Variants in LIPH observed in about 807,000 individuals in gnomAD.
LIPH encodes lipase H.
LIPH carries 32 observed loss-of-function variants against 47.6 expected under a neutral mutation model. The observed-to-expected ratio is 0.67, with a 90% CI of 0.51 to 0.90. LIPH has a LOEUF of 0.90. Among genes scored for constraint, LIPH ranks in the 40% least tolerant of loss-of-function variants. The pLI, the probability that LIPH is intolerant of heterozygous loss-of-function variation, is 0.00. For synonymous variants in LIPH, 190 were observed against 195.6 expected, an observed-to-expected ratio of 0.97 and a Z score of 0.24; for missense variants, 497 against 541.4, an observed-to-expected ratio of 0.92 and a Z score of 0.81.
At chr3:185,527,360 C>G (rs937047085) in intron 4 of LIPH, 124 bp downstream of exon 4, 14 of 791,736 alleles carry the variant, frequency 1.8e-5, no homozygotes, top group Non-Finnish European at 2.7e-5. Context: ...GATTTGGAAC[C>G]CTGCCTGGAA....
At chr3:185,517,812 T>C (rs984958908) in intron 6 of LIPH, among the ~76,000 whole-genome samples, 5 of 152,274 alleles carry the variant, frequency 3.3e-5, no homozygotes, top group Admixed American at 3.3e-4. Context: ...GTCTATACCA[T>C]GCCCTGTTGT....
intron 7 of LIPH, among the ~76,000 whole-genome samples, chr3:185,516,109 G>A (rs1193457988): frequency 6.6e-6 from 1 of 152,052 alleles, no homozygotes; most frequent in African/African-American, 2.4e-5. Context: ...ACTCCAGCCT[G>A]GGTGACAGAA....
At chr3:185,525,215 AAAT>A (rs762317798) in intron 4 of LIPH, among the ~76,000 whole-genome samples, 25 of 152,078 alleles carry the variant, frequency 1.6e-4, no homozygotes, top group Admixed American at 5.9e-4. Flanking sequence ...CTGTCTTAAA[AAAT>A]AATAATAATA....
intron 7 of LIPH, among the ~76,000 whole-genome samples, chr3:185,515,778 G>A (rs545943971): frequency 6.6e-5 from 10 of 152,250 alleles, no homozygotes; most frequent in Non-Finnish European, 1.3e-4. Flanking sequence ...TGATCCGCCC[G>A]CCTTGGCCTC....
chr3:185,520,294 G>A (rs1245653789), intron 5 of LIPH, among the ~76,000 whole-genome samples: 1 of 152,142 alleles, frequency 6.6e-6, no homozygotes, highest in Admixed American at 6.6e-5. Context: ...GCTGAGATGG[G>A]TGGATCATGA....
Position 185,552,423 on chromosome 3 carries a change from C to T in LIPH, c.49G>A (p.Asp17Asn). The T allele has an allele frequency of 6.2e-7, 1 of 1,601,040 alleles. No individual in the cohort carries two copies. Among genetic ancestry groups the T allele is most frequent in the African/African-American group, 1.3e-5 (1 of 74,732 alleles). The change falls in exon 1 of 10, where the codon GAC becomes AAC. Residue 17 changes from aspartate to asparagine, a missense_variant and splice_region_variant. By Grantham distance (23) the Asp-to-Asn change is conservative. Transcript: ENST00000296252. ...FISLLCLSRS[D>N]AEETCPSFTR... The stretch of plus-strand genomic sequence containing the variant: ...GAAAACCAGTTTGTAAATAACCTAC[C>T]TGATCTTGACAAGCACAACAAACTG...
chr3:185,516,223 AG>A (rs1468995054), intron 7 of LIPH, among the ~76,000 whole-genome samples: 6 of 152,200 alleles, frequency 3.9e-5, no homozygotes, highest in Non-Finnish European at 7.3e-5. Context: ...ACCTGAGGTC[AG>A]GAGTTTGAGA....
chr3:185,519,836 CAAAAAAAAAAAAA>C (rs145391972), intron 5 of LIPH, among the ~76,000 whole-genome samples: 1 of 53,788 alleles, frequency 1.9e-5, no homozygotes, highest in African/African-American at 8.2e-5. Flanking sequence ...CACTCCATCT[CAAAAAAAAAAAAA>C]AAAAAAAAAA....
In LIPH at chr3:185,534,424, A is replaced by G. The variant is rs371705507; in HGVS notation, c.417+341T>C. On this transcript the variant is annotated intron_variant, in intron 2 of 9. Coordinates refer to ENST00000296252, the MANE Select transcript of LIPH (RefSeq NM_139248.3). ...AGAAATCCTAGACAGAACCTCTCCT[A>G]CCTGTAAGACACCTTTATTGTGAGC... Among the ~76,000 whole-genome samples the G allele has an allele frequency of 1.8e-4, 27 of 152,188 alleles. 1 individual carries two copies. The South Asian group carries it at 5.0e-3, about 28-fold the overall frequency.
intron 3 of LIPH, among the ~76,000 whole-genome samples, chr3:185,528,323 G>GAAGAAAGAAAAAAAGA (rs1553822825): frequency 8.0e-6 from 1 of 125,514 alleles, no homozygotes; most frequent in African/African-American, 3.1e-5. Flanking sequence ...AAGAAAGAAA[G>GAAGAAAGAAAAAAAGA]AAGAAAGAAA....
At chr3:185,526,126 C>A (rs1329531935) in intron 4 of LIPH, among the ~76,000 whole-genome samples, 2 of 152,124 alleles carry the variant, frequency 1.3e-5, no homozygotes, top group Non-Finnish European at 2.9e-5. Flanking sequence ...AGCCTGTAAT[C>A]CCAGCACTTT....
At chr3:185,525,337 T>A (rs886608894) in intron 4 of LIPH, among the ~76,000 whole-genome samples, 1 of 152,190 alleles carries the variant, frequency 6.6e-6, no homozygotes, top group African/African-American at 2.4e-5. Context: ...TAGGTGTACA[T>A]ACATATGCAC....
At position 185,507,022 on chromosome 3, in the gene LIPH, TAAG is replaced by T. The variant is rs1429679243; in HGVS notation, c.*1765_*1767del. ...TGTATTTGCTGCAAATGTAAATCTG[TAAG>T]AAGATGTGCCACACAGGAATACATT... On this transcript the variant is annotated 3_prime_UTR_variant, in exon 10 of 10. Coordinates refer to ENST00000296252, the MANE Select transcript of LIPH (RefSeq NM_139248.3). The T allele has an allele frequency of 1.3e-5, 2 of 151,986 alleles. 1 individual carries two copies. The highest frequency in any genetic ancestry group is 2.9e-5 in the Non-Finnish European group (2 of 68,006). 9.4% of individuals were successfully genotyped at this position (151,986 alleles called of 1,614,324 possible).
chr3:185,540,591 G>A (rs1265708415), intron 1 of LIPH, among the ~76,000 whole-genome samples: 2 of 151,918 alleles, frequency 1.3e-5, no homozygotes, highest in Admixed American at 6.6e-5. Flanking sequence ...GGTGGCGTGC[G>A]CCTGTAGTCC....
chr3:185,514,128 GAGAA>G (rs1719652732), intron 8 of LIPH, among the ~76,000 whole-genome samples: 1 of 152,024 alleles, frequency 6.6e-6, no homozygotes, highest in Non-Finnish European at 1.5e-5. Context: ...GGAACAAAGG[GAGAA>G]AGAGAGGGAA....
At chr3:185,551,109 G>A (rs1721036168) in intron 1 of LIPH, among the ~76,000 whole-genome samples, 1 of 152,126 alleles carries the variant, frequency 6.6e-6, no homozygotes, top group African/African-American at 2.4e-5. Flanking sequence ...GGGAGGGGGA[G>A]GTTGTAGTGA....
At chr3:185,549,754 G>A (rs1437882945) in intron 1 of LIPH, among the ~76,000 whole-genome samples, 2 of 152,242 alleles carry the variant, frequency 1.3e-5, no homozygotes, top group Admixed American at 6.5e-5. Flanking sequence ...CTACTCAGAG[G>A]CACAGTCATA....
chr3:185,508,827 A>G lies in LIPH; in HGVS notation c.1319T>C (p.Val440Ala), dbSNP rs755378766. Residue 440 changes from valine to alanine, a missense_variant, in exon 10 of 10, where the codon GTC becomes GCC. Val to Ala is a moderately conservative substitution (Grantham distance 64). Transcript: ENST00000296252. ...DLVLMENVET[V>A]FQPILCPELQ... ...CTCTGGGCAAAGAATAGGTTGGAAG[A>G]CTGTTTCAACGTTTTCCATCAGGAC... 3 of 1,613,924 alleles carry G rather than the reference A, an allele frequency of 1.9e-6. No individual in the cohort carries two copies. The highest frequency in any genetic ancestry group is 1.7e-6 in the Non-Finnish European group (2 of 1,179,904).
Position 185,552,554 on chromosome 3 carries a change from G to T in LIPH, c.-83C>A. On this transcript the variant is annotated 5_prime_UTR_variant, in exon 1 of 10. Transcript: ENST00000296252. The stretch of plus-strand genomic sequence containing the variant: ...TTAAGAGTTTCCACTGTGGGATTTT[G>T]CTCACAGTGAGCTCAGACGACTCAG... The T allele has an allele frequency of 9.9e-7, 1 of 1,009,836 alleles. No homozygotes were observed. The highest frequency in any genetic ancestry group is 1.6e-6 in the Non-Finnish European group (1 of 631,386). The allele number at this position is 1,009,836 out of a possible 1,614,324, so 62.6% of individuals were successfully genotyped here. A position where few individuals can be genotyped will look rare whatever the true frequency, so the allele number is the denominator to read the frequency against.
Sources: gnomAD v4.1 joint callset for allele counts (sites outside exome capture counted in the v4.1 genomes callset) on GRCh38, gnomAD v4.1.1 for gene constraint, MANE v1.5 for transcripts, NCBI Gene and HGNC (gene_info 2026-07-23, HGNC 2026-07-21) for gene names.